Variants in SLC12A7 observed in about 807,000 individuals in gnomAD.
SLC12A7 encodes solute carrier family 12 member 7.
Under a neutral mutation model 120.6 loss-of-function variants are expected in SLC12A7, and 100 were observed. The ratio of observed to expected loss-of-function variants is 0.83; its 90% CI spans 0.71 to 0.98. SLC12A7 has a LOEUF of 0.98. Ranked by LOEUF, SLC12A7 falls within the 50% of genes least tolerant of loss-of-function variation. The probability of loss-of-function intolerance (pLI) is 0.00; values close to 1 mark genes in which losing one functional copy is unlikely to be tolerated. For missense variants in SLC12A7, 1,373 were observed against 1,548.1 expected (o/e 0.89, Z 1.90); for synonymous variants, 760 against 678.0 (o/e 1.12, Z -1.88).
chr5:1,122,348 C>A, the SLC12A7 span, among the ~76,000 whole-genome samples: 1 of 152,090 alleles, frequency 6.6e-6, no homozygotes, highest in Non-Finnish European at 1.5e-5. Flanking sequence ...TTCTGGCTGC[C>A]CAGCACAGCC....
At chr5:1,126,375 C>T in the SLC12A7 span, among the ~76,000 whole-genome samples, 2 of 152,238 alleles carry the variant, frequency 1.3e-5, no homozygotes, top group South Asian at 2.1e-4. Flanking sequence ...AGGCGTGAGC[C>T]ACTGCACCCA....
intron 8 of SLC12A7, among the ~76,000 whole-genome samples, chr5:1,082,210 C>T (rs1739230905): frequency 1.4e-5 from 2 of 145,882 alleles, no homozygotes; most frequent in Admixed American, 1.4e-4. Context: ...TCTGGAAAGT[C>T]CGGGCTTCCT....
intron 21 of SLC12A7, among the ~76,000 whole-genome samples, chr5:1,058,545 G>A (rs913176631): frequency 4.6e-5 from 7 of 152,242 alleles, no homozygotes; most frequent in African/African-American, 1.7e-4. Context: ...TGAGCCCCGG[G>A]GTGATTTTAA....
intron 22 of SLC12A7, among the ~76,000 whole-genome samples, chr5:1,054,014 A>G (rs1273763766): frequency 6.6e-6 from 1 of 152,218 alleles, no homozygotes; most frequent in African/African-American, 2.4e-5. Flanking sequence ...CTCAGGAAGG[A>G]AAGGCCCAGA....
chr5:1,093,550 G>A lies in SLC12A7; in HGVS notation c.325C>T (p.Arg109Trp), dbSNP rs767757034. Reference sequence around the variant, plus strand: ...GGCAGTACCTTGGCCTCCCGCCGCCGGCTCTCCTCGTCCTCCTCGTGCTCC... The same window carrying A: ...GGCAGTACCTTGGCCTCCCGCCGCCAGCTCTCCTCGTCCTCCTCGTGCTCC... ...VVEHEEDEESRRREAKAPRMG... is the reference protein window; with the variant it reads ...VVEHEEDEESWRREAKAPRMG... Residue 109 changes from arginine to tryptophan, a missense_variant, in exon 3 of 24, where the codon CGG becomes TGG. Arg to Trp is a moderately radical substitution (Grantham distance 101, BLOSUM62 -3). Transcript: ENST00000264930. The A allele has an allele frequency of 3.4e-5, 55 of 1,598,064 alleles. No individual in the cohort carries two copies. Among genetic ancestry groups the A allele is most frequent in the South Asian group, 5.7e-5 (5 of 88,448 alleles).
the SLC12A7 span, among the ~76,000 whole-genome samples, chr5:1,140,891 C>A: frequency 4.6e-5 from 7 of 152,198 alleles, no homozygotes; most frequent in Non-Finnish European, 8.8e-5. Flanking sequence ...AGGGGAACCC[C>A]TTGGGAGGCT....
chr5:1,153,774 A>T, the SLC12A7 span, among the ~76,000 whole-genome samples: 5 of 152,204 alleles, frequency 3.3e-5, no homozygotes, highest in Non-Finnish European at 5.9e-5. Context: ...AGAGAAAATC[A>T]AGAGGAACGT....
chr5:1,118,209 C>G, the SLC12A7 span, among the ~76,000 whole-genome samples: 1 of 151,842 alleles, frequency 6.6e-6, no homozygotes, highest in Non-Finnish European at 1.5e-5. Flanking sequence ...ATTTGAGTGA[C>G]AGTAAAACTC....
At chr5:1,075,338 G>A (rs374432363) in intron 15 of SLC12A7, 33 bp downstream of exon 15, 141 of 1,597,866 alleles carry the variant, frequency 8.8e-5, no homozygotes, top group East Asian at 6.1e-4. Context: ...CCTCCCGTGC[G>A]CCGGGTCTGT....
Position 1,050,919 on chromosome 5 carries a change from T to G in SLC12A7, c.*1441A>C, listed in dbSNP as rs1734967014. 2.5e-6 allele frequency: 1 copy of G among 398,546 alleles called. No individual in the cohort carries two copies. The highest frequency in any genetic ancestry group is 2.1e-5 in the African/African-American group (1 of 48,634). 24.7% of individuals were successfully genotyped at this position (398,546 alleles called of 1,614,324 possible). ...TCTGCCCCGATTTGAACTTTGTTGA[T>G]GGGGCTGATTCCCTTGGGAGACCAT... On this transcript the variant is annotated 3_prime_UTR_variant, in exon 24 of 24. Coordinates refer to ENST00000264930, the MANE Select transcript of SLC12A7 (RefSeq NM_006598.3).
intron 1 of SLC12A7, among the ~76,000 whole-genome samples, chr5:1,094,960 C>T (rs148356677): frequency 0.022 from 2,893 of 133,956 alleles, 34 homozygotes; most frequent in Admixed American, 0.032. Context: ...GGCTCCCTGG[C>T]AGGTTGAGGC....
intron 1 of SLC12A7, among the ~76,000 whole-genome samples, chr5:1,099,178 A>G (rs1345510804): frequency 1.3e-5 from 2 of 152,140 alleles, no homozygotes; most frequent in African/African-American, 4.8e-5. Context: ...CCAACAACCC[A>G]GATCAGGTCT....
intron 8 of SLC12A7, among the ~76,000 whole-genome samples, chr5:1,082,718 G>T (rs191581828): frequency 7.1e-4 from 107 of 150,564 alleles, no homozygotes; most frequent in African/African-American, 2.5e-3. Flanking sequence ...TCGGGTTCTG[G>T]AAAGCCTGGG....
At position 1,064,095 on chromosome 5, in the gene SLC12A7, C is replaced by A; in HGVS notation, c.2595G>T (p.Leu865=). The change falls in exon 19 of 24, where the codon CTG becomes CTT. Residue 865 remains leucine, a synonymous_variant. Transcript: ENST00000264930. ...GGMLMLLPFL[L]RQHKVWRKCR... is the part of the protein sequence containing the mutation. ...TCGCACGCCCCACCTTGTGCTGGCG[C>A]AGCAGGAAGGGCAGCAGCATGAGCA... The A allele has an allele frequency of 6.2e-7, 1 of 1,607,178 alleles. No homozygotes were observed. The highest frequency in any genetic ancestry group is 2.2e-5 in the East Asian group (1 of 44,670).
chr5:1,076,318 G>C, intron 13 of SLC12A7, 82 bp from the exon 14 acceptor site: 1 of 1,084,616 alleles, frequency 9.2e-7, no homozygotes, highest in Non-Finnish European at 1.3e-6. Context: ...GACCACCCTT[G>C]TCACTGTCCC....
the SLC12A7 span, among the ~76,000 whole-genome samples, chr5:1,125,250 GATA>G: frequency 1.4e-5 from 2 of 145,338 alleles, no homozygotes; most frequent in African/African-American, 2.7e-5. Flanking sequence ...ATCGGAATGA[GATA>G]ATGTTTTAAA....
At position 1,089,013 on chromosome 5, in the gene SLC12A7, G is replaced by A. The variant is rs768572857; in HGVS notation, c.458C>T (p.Ser153Phe). 1 of 1,612,994 alleles carries A rather than the reference G, an allele frequency of 6.2e-7. No homozygotes were observed. Among genetic ancestry groups the A allele is most frequent in the Admixed American group, 1.7e-5 (1 of 60,028 alleles). The change falls in exon 4 of 24, where the codon TCC becomes TTC. Residue 153 changes from serine to phenylalanine, a missense_variant. Ser to Phe is a radical substitution (Grantham distance 155). Transcript: ENST00000264930. Reference sequence around the variant, plus strand: ...GCAGCACATGGCCACGATGAGGAAGGACTCCAGGACACCAGCCACCCCCAC... The same window carrying A: ...GCAGCACATGGCCACGATGAGGAAGAACTCCAGGACACCAGCCACCCCCAC... ...WIVGVAGVLE[S>F]FLIVAMCCTC...
Position 1,060,370 on chromosome 5 carries a change from G to A in SLC12A7, c.2821C>T (p.Leu941=), listed in dbSNP as rs1561033207. 6.2e-7 allele frequency: 1 copy of A among 1,613,602 alleles called. No individual in the cohort carries two copies. The highest frequency in any genetic ancestry group is 1.3e-5 in the African/African-American group (1 of 75,058). Residue 941 remains leucine (L), a synonymous_variant, in exon 21 of 24, where the codon CTG becomes TTG. Coordinates refer to ENST00000264930, the MANE Select transcript of SLC12A7 (RefSeq NM_006598.3). The part of the protein sequence containing the change: ...QRSQMLKQMQ[L]SKNEQEREAQ... ...TCTCGCTCCTGCTCGTTCTTGGACA[G>A]CTGCATCTGCTTCAGCATCTGCGAC...
chr5:1,081,779 A>T lies in SLC12A7; in HGVS notation c.1130-35T>A, dbSNP rs775069879. On this transcript the variant is annotated intron_variant, in intron 8 of 23. Coordinates refer to ENST00000264930, the MANE Select transcript of SLC12A7 (RefSeq NM_006598.3). Reference sequence around the variant, plus strand: ...AAGGAAGATCCCATGGGTTTCTGGCACCTTCTGTGCAGTGCCCCCGCCATG... The same window carrying T: ...AAGGAAGATCCCATGGGTTTCTGGCTCCTTCTGTGCAGTGCCCCCGCCATG... 2.5e-6 allele frequency: 4 copies of T among 1,595,906 alleles called. No individual in the cohort carries two copies. In the South Asian group the frequency reaches 3.4e-5, roughly 13 times the overall value.
Sources: gnomAD v4.1 joint callset for allele counts (sites outside exome capture counted in the v4.1 genomes callset) on GRCh38, gnomAD v4.1.1 for gene constraint, MANE v1.5 for transcripts, NCBI Gene and HGNC (gene_info 2026-07-23, HGNC 2026-07-21) for gene names.